ITPR2: variants seen among roughly 807,000 people sequenced by gnomAD.
ITPR2 encodes inositol 1,4,5-trisphosphate receptor type 2.
ITPR2 carries 207 observed loss-of-function variants against 317.1 expected under a neutral mutation model. That is an observed-to-expected ratio of 0.65 (90% confidence interval 0.58 to 0.73). The LOEUF (loss-of-function observed/expected upper bound fraction) is 0.73. ITPR2 is among the 30% of genes least tolerant of loss of function. The pLI, the probability that ITPR2 is intolerant of heterozygous loss-of-function variation, is 0.00. For synonymous variants in ITPR2, 1,156 were observed against 1,149.1 expected (o/e 1.01, Z -0.12); for missense variants, 2,613 against 3,284.0 (o/e 0.80, Z 4.99).
At chr12:26,661,813 A>C (rs1221920187) in intron 15 of ITPR2, among the ~76,000 whole-genome samples, 1 of 152,236 alleles carries the variant, frequency 6.6e-6, no homozygotes, top group African/African-American at 2.4e-5. Context: ...CTAAAAACTC[A>C]GGGTCCGATA....
chr12:26,719,569 G>T (rs565666642), intron 5 of ITPR2, among the ~76,000 whole-genome samples: 1 of 152,266 alleles, frequency 6.6e-6, no homozygotes, highest in South Asian at 2.1e-4. Flanking sequence ...GAATCTAAAC[G>T]CCAGGGTTCT....
rs57451069 is a variant in ITPR2, at chr12:26,669,316, A to T, written c.1410-3265T>A. Among the ~76,000 whole-genome samples, 768 of 152,194 alleles carry T rather than the reference A, an allele frequency of 5.0e-3. 5 individuals are homozygous for T. The highest frequency in any genetic ancestry group is 0.017 in the African/African-American group (695 of 41,548). On this transcript the variant is annotated intron_variant, in intron 13 of 56. Transcript: ENST00000381340. ...GAGAGAAAGAAGAGGAATTAAGAGG[A>T]TCCAACATATATCTCATAAAAGTTC...
At chr12:26,762,918 G>A (rs1949661920) in intron 2 of ITPR2, among the ~76,000 whole-genome samples, 1 of 152,082 alleles carries the variant, frequency 6.6e-6, no homozygotes, top group Non-Finnish European at 1.5e-5. Flanking sequence ...AGAAGTTAGT[G>A]TAGAGTTTTT....
chr12:26,376,611 A>T (rs1939352357), intron 55 of ITPR2, among the ~76,000 whole-genome samples: 1 of 152,284 alleles, frequency 6.6e-6, no homozygotes, highest in South Asian at 2.1e-4. Context: ...CATGCTTTCT[A>T]AAATGTAAAT....
At chr12:26,603,855 A>G (rs1946059652) in intron 26 of ITPR2, among the ~76,000 whole-genome samples, 1 of 152,226 alleles carries the variant, frequency 6.6e-6, no homozygotes, top group Non-Finnish European at 1.5e-5. Flanking sequence ...GACAGGGTCC[A>G]TCGCAAAGAT....
chr12:26,397,038 T>C (rs1443639238), intron 54 of ITPR2, among the ~76,000 whole-genome samples: 1 of 152,138 alleles, frequency 6.6e-6, no homozygotes, highest in African/African-American at 2.4e-5. Flanking sequence ...ATGACTCTGC[T>C]TCTGGTACTG....
chr12:26,548,989 T>C (rs536156349), intron 37 of ITPR2, among the ~76,000 whole-genome samples: 14 of 152,204 alleles, frequency 9.2e-5, no homozygotes, highest in Non-Finnish European at 1.8e-4. Context: ...ATGTACCTCC[T>C]GTTAAGTGCA....
intron 37 of ITPR2, among the ~76,000 whole-genome samples, chr12:26,536,641 A>G (rs1307560334): frequency 6.6e-6 from 1 of 152,254 alleles, no homozygotes; most frequent in African/African-American, 2.4e-5. Context: ...ATCATGGAGT[A>G]GCAGCAAGAA....
intron 37 of ITPR2, among the ~76,000 whole-genome samples, chr12:26,496,714 C>T (rs569228766): frequency 1.3e-5 from 2 of 151,828 alleles, no homozygotes; most frequent in Non-Finnish European, 2.9e-5. Flanking sequence ...GAGGCCGAGG[C>T]GGGCAGATCA....
At chr12:26,655,654 T>C in intron 20 of ITPR2, 54 bp downstream of exon 20, 2 of 1,357,090 alleles carry the variant, frequency 1.5e-6, no homozygotes, top group Non-Finnish European at 2.0e-6. Context: ...AATACCTTCA[T>C]GAACTAAACT....
At chr12:26,657,583 C>T (rs1947399741) in intron 18 of ITPR2, 124 bp downstream of exon 18, 3 of 714,898 alleles carry the variant, frequency 4.2e-6, no homozygotes, top group Admixed American at 4.8e-5. Flanking sequence ...TTTCAGCTAC[C>T]CTAGTTCTGA....
intron 55 of ITPR2, among the ~76,000 whole-genome samples, chr12:26,369,750 G>C (rs747850630): frequency 2.6e-5 from 4 of 152,184 alleles, no homozygotes; most frequent in Non-Finnish European, 5.9e-5. Flanking sequence ...TAGGCTAAGA[G>C]ATGGGATGAC....
chr12:26,476,211 T>C (rs547859424), intron 44 of ITPR2, among the ~76,000 whole-genome samples: 2 of 152,370 alleles, frequency 1.3e-5, no homozygotes, highest in South Asian at 4.1e-4. Flanking sequence ...AAAAGAATGT[T>C]GTGCCAGACT....
intron 1 of ITPR2, among the ~76,000 whole-genome samples, chr12:26,826,723 C>G (rs1408579315): frequency 1.3e-5 from 2 of 152,140 alleles, no homozygotes; most frequent in African/African-American, 4.8e-5. Context: ...GCAAAGGTGG[C>G]TATCACTTAA....
At chr12:26,661,590 T>C (rs1947504909) in intron 15 of ITPR2, among the ~76,000 whole-genome samples, 6 of 152,170 alleles carry the variant, frequency 3.9e-5, no homozygotes. Flanking sequence ...GTGCACATCA[T>C]GGGACCTGAT....
At chr12:26,814,842 T>A (rs901002109) in intron 1 of ITPR2, among the ~76,000 whole-genome samples, 1 of 152,232 alleles carries the variant, frequency 6.6e-6, no homozygotes, top group Non-Finnish European at 1.5e-5. Flanking sequence ...ACACTCTTTA[T>A]ACCTTTTCAA....
intron 37 of ITPR2, among the ~76,000 whole-genome samples, chr12:26,515,357 C>A (rs1318215673): frequency 6.6e-6 from 1 of 152,102 alleles, no homozygotes; most frequent in East Asian, 1.9e-4. Context: ...CATTATTTTA[C>A]TTCCATATTT....
chr12:26,438,092 C>T (rs771503559), intron 47 of ITPR2, among the ~76,000 whole-genome samples: 1 of 148,712 alleles, frequency 6.7e-6, no homozygotes, highest in Admixed American at 7.0e-5. Flanking sequence ...TGAGCCACCA[C>T]GCCTGGCCAG....
chr12:26,348,675 T>G (rs1938382118), intron 55 of ITPR2, among the ~76,000 whole-genome samples: 1 of 152,168 alleles, frequency 6.6e-6, no homozygotes, highest in African/African-American at 2.4e-5. Flanking sequence ...AGAGAAAGGA[T>G]ACAGTTGTGT....
Sources: allele counts gnomAD v4.1 joint callset (sites outside exome capture counted in the v4.1 genomes callset), GRCh38; gene constraint gnomAD v4.1.1; transcripts MANE v1.5; gene names NCBI Gene and HGNC (gene_info 2026-07-23, HGNC 2026-07-21).